Variants in ZNF142 observed in about 807,000 individuals in gnomAD.
The protein encoded by ZNF142 is zinc finger protein 142 (clone pHZ-49).
A neutral mutation model predicts 132.1 loss-of-function variants in ZNF142; 96 were observed. The observed-to-expected ratio is 0.73, with a 90% CI of 0.62 to 0.86. The LOEUF is 0.86. ZNF142 is among the 40% of genes least tolerant of loss of function. ZNF142 has a pLI of 0.00. For missense variants in ZNF142, 2,163 were observed against 2,336.2 expected (o/e 0.93, Z 1.53); for synonymous variants, 842 against 890.1 (o/e 0.95, Z 0.96).
In ZNF142 at chr2:218,643,373, C is replaced by T. The variant is rs536659235; in HGVS notation, c.3743G>A (p.Gly1248Asp). ...TCCCCCGCCACGTCCCCCCCTGCAG[C>T]CTTCAGCCACGTGAGAGGTAATAGA... is the stretch of plus-strand genomic sequence containing the variant. Reference protein sequence around the residue: ...LSSITSHVAEGCRGGRGGGGK... With the variant: ...LSSITSHVAEDCRGGRGGGGK... Residue 1248 changes from glycine (G) to aspartate (D), a missense_variant, in exon 9 of 11, where the codon GGC becomes GAC. Gly to Asp is a moderately conservative substitution (Grantham distance 94, BLOSUM62 -1). Around this residue, in one of 7 missense-constraint regions of ZNF142, gnomAD observed 809 missense variants for 801.7 expected, o/e 1.01. Coordinates refer to ENST00000411696, the MANE Select transcript of ZNF142 (RefSeq NM_001379659.1). The T allele has an allele frequency of 1.2e-6, 2 of 1,614,208 alleles. No individual in the cohort carries two copies. The highest frequency in any genetic ancestry group is 4.5e-5 in the East Asian group (2 of 44,878).
Position 218,644,949 on chromosome 2 carries a change from G to A in ZNF142, c.2167C>T (p.Arg723Trp), listed in dbSNP as rs947646760. 3.0e-5 allele frequency: 49 copies of A among 1,614,158 alleles called. No individual in the cohort carries two copies. Among genetic ancestry groups the A allele is most frequent in the African/African-American group, 4.0e-5 (3 of 75,026 alleles). The part of the protein sequence containing the change: ...MCEVCAFACK[R>W]KYELQKHMAS... ...ATGTGCTTCTGCAGCTCATACTTCC[G>A]CTTGCAGGCGAAGGCACACACCTCA... Residue 723 changes from arginine (R) to tryptophan (W), a missense_variant, in exon 9 of 11, where the codon CGG becomes TGG. Transcript: ENST00000411696. This position sits in a 1 kb window ranked among gnomAD's most constrained non-coding sequence, Gnocchi z 4.6.
Position 218,638,749 on chromosome 2 carries a change from G to A in ZNF142, c.5254C>T (p.Arg1752Cys), listed in dbSNP as rs756225038. ...EYCTNRADAL[R>C]VHQETRHREA... ...CGATGCCGGGTCTCCTGGTGCACAC[G>A]CAGTGCATCAGCCCGGTTGGTGCAG... The change falls in exon 11 of 11, where the codon CGT becomes TGT. Residue 1752 changes from arginine (R) to cysteine (C), a missense_variant. This residue lies in a region of ZNF142 where 325 missense variants were observed against 367.8 expected (regional missense o/e 0.88). Coordinates refer to ENST00000411696, the MANE Select transcript of ZNF142 (RefSeq NM_001379659.1). The A allele has an allele frequency of 2.9e-5, 46 of 1,611,850 alleles. No homozygotes were observed. Among genetic ancestry groups the A allele is most frequent in the East Asian group, 8.9e-5 (4 of 44,886 alleles).
rs367685571 is a variant in ZNF142, at chr2:218,656,175, G to A, written c.255C>T (p.Thr85=). ...CTGGGGTCTCTCCAGGAGCACCTGG[G>A]GTCAGGGTTCCAGCTACTGTCTCCA... ...IIVETVAGTL[T]PGAPGETPGV... The change falls in exon 4 of 11, where the codon ACC becomes ACT. Residue 85 remains threonine (T), a synonymous_variant. Coordinates refer to ENST00000411696, the MANE Select transcript of ZNF142 (RefSeq NM_001379659.1). The A allele has an allele frequency of 6.2e-7, 1 of 1,602,674 alleles. No homozygotes were observed. The highest frequency in any genetic ancestry group is 8.5e-7 in the Non-Finnish European group (1 of 1,172,422).
Position 218,633,578 on chromosome 2 carries a change from T to A in ZNF142, c.*4761A>T. Reference sequence around the variant, plus strand: ...CTCTCTCAGACTGCTGAGGGTTCAATTCCATCTTCTTTTCCACCTTCTCCA... The same window carrying A: ...CTCTCTCAGACTGCTGAGGGTTCAAATCCATCTTCTTTTCCACCTTCTCCA... On this transcript the variant is annotated 3_prime_UTR_variant, in exon 11 of 11. Transcript: ENST00000411696. The A allele has an allele frequency of 1.2e-6, 2 of 1,609,056 alleles. No individual in the cohort carries two copies. Among genetic ancestry groups the A allele is most frequent in the Non-Finnish European group, 1.7e-6 (2 of 1,175,452 alleles).
chr2:218,645,113 A>G, intron 8 of ZNF142, 49 bp from the exon 9 acceptor site: 1 of 1,580,708 alleles, frequency 6.3e-7, no homozygotes, highest in East Asian at 2.3e-5. Flanking sequence ...AATCACAACA[A>G]CTAAGAATCA....
Position 218,643,354 on chromosome 2 carries a change from G to A in ZNF142, c.3762C>T (p.Gly1254=), listed in dbSNP as rs188997501. 360 of 1,614,126 alleles carry A rather than the reference G, an allele frequency of 2.2e-4. 2 individuals carry two copies. In the East Asian group the frequency reaches 5.2e-3, roughly 23 times the overall value. ...HVAEGCRGGR[G]GGGKRGTPQT... is the part of the protein sequence containing the mutation. The stretch of plus-strand genomic sequence containing the variant: ...GGGGGGTCCCTCGTTTTCCTCCCCC[G>A]CCACGTCCCCCCCTGCAGCCTTCAG... The change falls in exon 9 of 11, where the codon GGC becomes GGT. Residue 1254 remains glycine, a synonymous_variant. Coordinates refer to ENST00000411696, the MANE Select transcript of ZNF142 (RefSeq NM_001379659.1).
rs1697384754 is a variant in ZNF142, at chr2:218,643,120, A to G, written c.3996T>C (p.Ser1332=). 10 of 1,613,438 alleles carry G rather than the reference A, an allele frequency of 6.2e-6. No individual in the cohort carries two copies. The highest frequency in any genetic ancestry group is 8.5e-6 in the Non-Finnish European group (10 of 1,179,764). The change falls in exon 9 of 11, where the codon TCT becomes TCC. Residue 1332 remains serine, a synonymous_variant. Coordinates refer to ENST00000411696, the MANE Select transcript of ZNF142 (RefSeq NM_001379659.1). ...HQIRGCPLEE[S]GELHCSLCPF... is the part of the protein sequence containing the mutation. The stretch of plus-strand genomic sequence containing the variant: ...GGCAGAGGCTGCAGTGCAGCTCTCC[A>G]GACTCCTCGAGGGGGCAGCCCCGGA...
At chr2:218,651,046 C>T (rs764696344) in intron 5 of ZNF142, among the ~76,000 whole-genome samples, 10 of 148,186 alleles carry the variant, frequency 6.7e-5, no homozygotes, top group Non-Finnish European at 1.0e-4. Context: ...AAGTGCAGTG[C>T]TGCAATCTTG....
intron 7 of ZNF142, among the ~76,000 whole-genome samples, chr2:218,647,433 A>AAAAAAAAAAAAAAAAAAAAAAAAC: frequency 6.8e-6 from 1 of 147,086 alleles, no homozygotes; most frequent in African/African-American, 2.5e-5. Flanking sequence ...AAAAAAAAAA[A>AAAAAAAAAAAAAAAAAAAAAAAAC]AAGCCTCCTC....
intron 3 of ZNF142, among the ~76,000 whole-genome samples, chr2:218,657,759 T>C (rs548390716): frequency 6.6e-6 from 1 of 152,254 alleles, no homozygotes; most frequent in Admixed American, 6.5e-5. Flanking sequence ...TCTTCTCTCT[T>C]CTGGCGTCCT....
At chr2:218,639,973 G>A (rs1186886923) in intron 10 of ZNF142, among the ~76,000 whole-genome samples, 2 of 140,668 alleles carry the variant, frequency 1.4e-5, no homozygotes, top group Non-Finnish European at 1.5e-5. Flanking sequence ...GGAGAATGGT[G>A]TGAACCCGGA....
chr2:218,641,243 A>ATTTTTTT lies in ZNF142; in HGVS notation c.5089-481_5089-475dup, dbSNP rs71276228. On this transcript the variant is annotated intron_variant, in intron 9 of 10. Coordinates refer to ENST00000411696, the MANE Select transcript of ZNF142 (RefSeq NM_001379659.1). ...CGTGAGCCACCTCACCTGGCCGATA[A>ATTTTTTT]TTTTTTTTTTTTTTTTTTTTTGAGA... is the stretch of plus-strand genomic sequence containing the variant. Among the ~76,000 whole-genome samples, 6 of 103,920 alleles carry ATTTTTTT rather than the reference A, an allele frequency of 5.8e-5. No homozygotes were observed. In the East Asian group the frequency reaches 1.7e-3, roughly 29 times the overall value. The allele number at this position is 103,920 out of a possible 152,430, so 68.2% of individuals were successfully genotyped here. A position where few individuals can be genotyped will look rare whatever the true frequency, so the allele number is the denominator to read the frequency against.
At position 218,636,124 on chromosome 2, in the gene ZNF142, CT is replaced by C; in HGVS notation, c.*2214del. On this transcript the variant is annotated 3_prime_UTR_variant, in exon 11 of 11. Coordinates refer to ENST00000411696, the MANE Select transcript of ZNF142 (RefSeq NM_001379659.1). The stretch of plus-strand genomic sequence containing the variant: ...GGCAAATTACTTGCTTACTCTGAGC[CT>C]TTTTCCTTACCTGTAAAATGCTGAT... The C allele has an allele frequency of 4.3e-6, 6 of 1,391,246 alleles. No individual in the cohort carries two copies. Among genetic ancestry groups the C allele is most frequent in the Non-Finnish European group, 5.0e-6 (5 of 1,000,546 alleles). 86.2% of individuals were successfully genotyped at this position (1,391,246 alleles called of 1,614,324 possible).
chr2:218,643,096 G>A lies in ZNF142; in HGVS notation c.4020C>T (p.Cys1340=). 6.2e-7 allele frequency: 1 copy of A among 1,610,054 alleles called. No individual in the cohort carries two copies. The highest frequency in any genetic ancestry group is 8.5e-7 in the Non-Finnish European group (1 of 1,178,192). The change falls in exon 9 of 11, where the codon TGC becomes TGT. Residue 1340 remains cysteine, a synonymous_variant. Coordinates refer to ENST00000411696, the MANE Select transcript of ZNF142 (RefSeq NM_001379659.1). The stretch of plus-strand genomic sequence containing the variant: ...CAGTGGCAGCAGGAGCAGTGAATGG[G>A]CAGAGGCTGCAGTGCAGCTCTCCAG... ...EESGELHCSL[C]PFTAPAATAL... is the part of the protein sequence containing the mutation.
chr2:218,636,619 CG>C lies in ZNF142; in HGVS notation c.*1719del. ...GAAGGGTTGGTGTGCTGGCTTTAGA[CG>C]GGGAGAAACATCTGGAAGGATGCTC... On this transcript the variant is annotated 3_prime_UTR_variant, in exon 11 of 11. Transcript: ENST00000411696. 1 of 1,569,122 alleles carries C rather than the reference CG, an allele frequency of 6.4e-7. No individual in the cohort carries two copies. The highest frequency in any genetic ancestry group is 8.7e-7 in the Non-Finnish European group (1 of 1,143,114).
At position 218,649,421 on chromosome 2, in the gene ZNF142, G is replaced by A; in HGVS notation, c.1087C>T (p.His363Tyr). 3.7e-6 allele frequency: 6 copies of A among 1,610,304 alleles called. No homozygotes were observed. The South Asian group carries it at 6.6e-5, about 18-fold the overall frequency. The change falls in exon 7 of 11, where the codon CAT becomes TAT. Residue 363 changes from histidine to tyrosine, a missense_variant. Physicochemically the swap from His to Tyr is moderately conservative, Grantham distance 83. Transcript: ENST00000411696. ...CAGCGCTTACACTCTGGACACATATGGGTCTTGAAGAGGGACTCGGTGCCA... is the reference window on the plus strand; with the variant it reads ...CAGCGCTTACACTCTGGACACATATAGGTCTTGAAGAGGGACTCGGTGCCA... ...VSGTESLFKTHMCPECKRCFK... is the reference protein window; with the variant it reads ...VSGTESLFKTYMCPECKRCFK...
rs375153215 is a variant in ZNF142, at chr2:218,655,679, C to A, written c.280+471G>T. ...CTCAACTCTTATTCTTAACAACATG[C>A]CTCGGATGAGTAAAGTATGTTATAC... On this transcript the variant is annotated intron_variant, in intron 4 of 10. Coordinates refer to ENST00000411696, the MANE Select transcript of ZNF142 (RefSeq NM_001379659.1). Among the ~76,000 whole-genome samples, 8 of 152,178 alleles carry A rather than the reference C, an allele frequency of 5.3e-5. No individual in the cohort carries two copies. In the East Asian group the frequency reaches 9.6e-4, roughly 18 times the overall value.
At chr2:218,645,411 G>A (rs1230729589) in intron 8 of ZNF142, among the ~76,000 whole-genome samples, 1 of 152,150 alleles carries the variant, frequency 6.6e-6, no homozygotes, top group African/African-American at 2.4e-5. Context: ...AGGAACTGAC[G>A]TGGCTACAAC....
chr2:218,646,395 A>G lies in ZNF142; in HGVS notation c.1874-47T>C, dbSNP rs202229767. On this transcript the variant is annotated intron_variant, in intron 7 of 10. Transcript: ENST00000411696. ...AAGGGAGAGAACACAGGTCAGATAC[A>G]GATCAAGTGGACAGACCATTTCTTC... The G allele has an allele frequency of 2.4e-5, 38 of 1,597,622 alleles. No individual in the cohort carries two copies. The East Asian group carries it at 7.8e-4, about 33-fold the overall frequency.
Sources: allele counts gnomAD v4.1 joint callset (sites outside exome capture counted in the v4.1 genomes callset), GRCh38; gene constraint gnomAD v4.1.1; regional missense constraint gnomAD v4.1.1; non-coding constraint Gnocchi (gnomAD v3.1); transcripts MANE v1.5; gene names NCBI Gene and HGNC (gene_info 2026-07-23, HGNC 2026-07-21).